The following HMCN1 variants were observed in gnomAD, a reference collection of about 807,000 sequenced individuals.
HMCN1 encodes the protein hemicentin 1.
A neutral mutation model predicts 625.9 loss-of-function variants in HMCN1; 321 were observed. The observed-to-expected ratio is 0.51, with a 90% CI of 0.47 to 0.56. The LOEUF (loss-of-function observed/expected upper bound fraction) is 0.56. Among genes scored for constraint, HMCN1 ranks in the 20% least tolerant of loss-of-function variants. The probability of loss-of-function intolerance (pLI) is 0.00; values close to 1 mark genes in which losing one functional copy is unlikely to be tolerated. For synonymous variants in HMCN1, 2,425 were observed against 2,417.6 expected (o/e 1.00, Z -0.09); for missense variants, 6,588 against 6,887.3 (o/e 0.96, Z 1.54).
chr1:185,960,835 A>G (rs1002030588), intron 11 of HMCN1, among the ~76,000 whole-genome samples: 4 of 152,196 alleles, frequency 2.6e-5, no homozygotes, highest in African/African-American at 9.7e-5. Flanking sequence ...AAAGAGAAAG[A>G]ACTGTTCATT....
chr1:185,990,806 A>G (rs1419416146), intron 22 of HMCN1, among the ~76,000 whole-genome samples: 1 of 152,206 alleles, frequency 6.6e-6, no homozygotes, highest in Non-Finnish European at 1.5e-5. Context: ...AATGTCTAGG[A>G]TTTGGCTTTC....
chr1:186,104,523 A>G (rs1397098497), intron 69 of HMCN1, among the ~76,000 whole-genome samples: 1 of 152,194 alleles, frequency 6.6e-6, no homozygotes, highest in Non-Finnish European at 1.5e-5. Context: ...GAAAAGAGCT[A>G]AGAGTTATAA....
intron 67 of HMCN1, among the ~76,000 whole-genome samples, 193 bp downstream of exon 67, chr1:186,094,566 T>C (rs966064294): frequency 3.9e-5 from 6 of 152,158 alleles, no homozygotes; most frequent in Non-Finnish European, 8.8e-5. Context: ...ATTGTCTGTT[T>C]ATCAAAATAC....
At chr1:186,045,480 G>A (rs1656498636) in intron 40 of HMCN1, among the ~76,000 whole-genome samples, 1 of 152,070 alleles carries the variant, frequency 6.6e-6, no homozygotes, top group Admixed American at 6.6e-5. Flanking sequence ...TAAATAAGAA[G>A]TTAGTGAGAA....
intron 1 of HMCN1, among the ~76,000 whole-genome samples, chr1:185,787,131 G>A (rs1278621948): frequency 2.0e-5 from 3 of 149,296 alleles, no homozygotes; most frequent in East Asian, 1.9e-4. Flanking sequence ...TGTATGAAGC[G>A]CCATGATGTA....
chr1:185,936,723 C>A (rs1471994891), intron 11 of HMCN1, among the ~76,000 whole-genome samples: 1 of 152,034 alleles, frequency 6.6e-6, no homozygotes, highest in East Asian at 1.9e-4. Flanking sequence ...TATTTGAAAG[C>A]AAGAGAAACA....
intron 11 of HMCN1, among the ~76,000 whole-genome samples, chr1:185,941,019 C>T (rs1414948363): frequency 6.6e-6 from 1 of 152,116 alleles, no homozygotes; most frequent in Non-Finnish European, 1.5e-5. Flanking sequence ...GCCTTGGCCT[C>T]CCAAGGTGTG....
At position 186,136,730 on chromosome 1, in the gene HMCN1, T is replaced by C; in HGVS notation, c.13375T>C (p.Leu4459=). Residue 4459 remains leucine (L), a synonymous_variant, in exon 87 of 107, where the codon TTG becomes CTG. Coordinates refer to ENST00000271588, the MANE Select transcript of HMCN1 (RefSeq NM_031935.3). Reference sequence around the variant, plus strand: ...TATTAATGCTGGTGGCAAAATCATATTGAATTGTCAGGCAACTGGAGAGCC... The same window carrying C: ...TATTAATGCTGGTGGCAAAATCATACTGAATTGTCAGGCAACTGGAGAGCC... ...TVINAGGKII[L]NCQATGEPQP... 1.2e-6 allele frequency: 2 copies of C among 1,614,022 alleles called. No homozygotes were observed. The highest frequency in any genetic ancestry group is 8.5e-7 in the Non-Finnish European group (1 of 1,179,916).
chr1:185,848,975 G>A (rs1258574126), intron 2 of HMCN1, among the ~76,000 whole-genome samples: 1 of 152,104 alleles, frequency 6.6e-6, no homozygotes, highest in Non-Finnish European at 1.5e-5. Context: ...TCCAGGCCTA[G>A]CTTCTCTACT....
At chr1:185,947,403 T>C (rs552595324) in intron 11 of HMCN1, among the ~76,000 whole-genome samples, 1 of 152,302 alleles carries the variant, frequency 6.6e-6, no homozygotes, top group South Asian at 2.1e-4. Context: ...GCTACCATAT[T>C]TGACAGTACA....
chr1:186,093,713 T>G (rs1659971227), intron 66 of HMCN1, 44 bp downstream of exon 66: 1 of 1,608,650 alleles, frequency 6.2e-7, no homozygotes, highest in African/African-American at 1.3e-5. Context: ...ATGAAGTAAC[T>G]GTGATTGTAG....
chr1:186,066,741 C>T (rs1658143182), intron 49 of HMCN1, among the ~76,000 whole-genome samples: 1 of 152,132 alleles, frequency 6.6e-6, no homozygotes, highest in Admixed American at 6.6e-5. Context: ...CCCAGTTATC[C>T]TCACATATCT....
intron 51 of HMCN1, among the ~76,000 whole-genome samples, chr1:186,070,317 G>T (rs1183128889): frequency 6.6e-6 from 1 of 152,154 alleles, no homozygotes; most frequent in Admixed American, 6.5e-5. Flanking sequence ...TACATTTTAA[G>T]GATCATGTTC....
intron 21 of HMCN1, among the ~76,000 whole-genome samples, chr1:185,989,869 T>C (rs1448777769): frequency 6.6e-6 from 1 of 152,010 alleles, no homozygotes; most frequent in Non-Finnish European, 1.5e-5. Context: ...AATTGTATAG[T>C]CTTTCGGAAA....
At chr1:186,138,048 TTTC>T (rs2102537347) in intron 89 of HMCN1, 76 bp downstream of exon 89, 2 of 1,495,832 alleles carry the variant, frequency 1.3e-6, no homozygotes, top group East Asian at 2.4e-5. Flanking sequence ...ACATTTGCCT[TTTC>T]TTCTTCATTG....
intron 1 of HMCN1, among the ~76,000 whole-genome samples, chr1:185,819,718 G>C (rs1660070915): frequency 6.6e-6 from 1 of 152,062 alleles, no homozygotes; most frequent in Admixed American, 6.6e-5. Flanking sequence ...ATTAGAGAAA[G>C]AAACAGTCTT....
rs1002474885 is a variant in HMCN1, at chr1:185,816,023, C to A, written c.269-30003C>A. Among the ~76,000 whole-genome samples, 7 of 150,024 alleles carry A rather than the reference C, an allele frequency of 4.7e-5. 1 individual carries two copies. Among genetic ancestry groups the A allele is most frequent in the African/African-American group, 1.8e-4 (7 of 39,430 alleles). On this transcript the variant is annotated intron_variant, in intron 1 of 106. Coordinates refer to ENST00000271588, the MANE Select transcript of HMCN1 (RefSeq NM_031935.3). ...CATGGTCAGAATCCAGGCAAGAATT[C>A]ATGGACTAAGTTTGATATAGGCAAA...
At chr1:186,176,170 A>C (rs1346489228) in intron 103 of HMCN1, among the ~76,000 whole-genome samples, 1 of 152,088 alleles carries the variant, frequency 6.6e-6, no homozygotes, top group Non-Finnish European at 1.5e-5. Flanking sequence ...TTAAAATTTT[A>C]TGTGTTTGGT....
chr1:186,014,318 TTATATA>T (rs954979915), intron 30 of HMCN1, among the ~76,000 whole-genome samples: 2 of 150,160 alleles, frequency 1.3e-5, no homozygotes, highest in African/African-American at 4.9e-5. Context: ...GTTTATAAGA[TTATATA>T]TATATATATT....
Sources: allele counts gnomAD v4.1 joint callset (sites outside exome capture counted in the v4.1 genomes callset), GRCh38; gene constraint gnomAD v4.1.1; transcripts MANE v1.5; gene names NCBI Gene and HGNC (gene_info 2026-07-23, HGNC 2026-07-21).